RUBCN: variants seen among roughly 807,000 people sequenced by gnomAD.
RUBCN encodes the protein rubicon autophagy regulator.
A neutral mutation model predicts 113.2 loss-of-function variants in RUBCN; 74 were observed. The observed-to-expected ratio is 0.65, with a 90% CI of 0.54 to 0.79. RUBCN has a LOEUF of 0.79. Ranked by LOEUF, RUBCN falls within the 30% of genes least tolerant of loss-of-function variation. RUBCN has a pLI of 0.00. For synonymous variants in RUBCN, 480 were observed against 490.0 expected (o/e 0.98, Z 0.27); for missense variants, 1,109 against 1,251.7 (o/e 0.89, Z 1.72).
rs188273623 is a variant in RUBCN at position 197,716,213 on chromosome 3, C to T, written c.219+1764G>A. On this transcript the variant is annotated intron_variant, in intron 2 of 19. Transcript: ENST00000296343. ...CACGGTCTCAGCTCACTGCAGCCTC[C>T]GCCTCCCAGGTTCAAGTGATTCTCC... Among the ~76,000 whole-genome samples, 973 of 152,292 alleles carry T rather than the reference C, an allele frequency of 6.4e-3. 11 individuals are homozygous for T. Among genetic ancestry groups the T allele is most frequent in the African/African-American group, 0.021 (886 of 41,554 alleles).
In RUBCN at chr3:197,683,255, G is replaced by A. The variant is rs1721459819; in HGVS notation, c.1980+52C>T. Reference sequence around the variant, plus strand: ...GGGACATGTGACGAAGGAAAACAAGGTCACAGAGGCTCACGATGGCCCCTG... The same window carrying A: ...GGGACATGTGACGAAGGAAAACAAGATCACAGAGGCTCACGATGGCCCCTG... On this transcript the variant is annotated intron_variant, in intron 13 of 19. Transcript: ENST00000296343. This position sits in a 1 kb window ranked among gnomAD's most constrained non-coding sequence, Gnocchi z 4.6. The A allele has an allele frequency of 6.2e-7, 1 of 1,612,448 alleles. No homozygotes were observed. The highest frequency in any genetic ancestry group is 8.5e-7 in the Non-Finnish European group (1 of 1,178,462).
intron 1 of RUBCN, chr3:197,749,264 C>T: frequency 9.5e-7 from 1 of 1,054,382 alleles, no homozygotes; most frequent in Non-Finnish European, 1.2e-6. Flanking sequence ...AACAGAGGTA[C>T]TTACCCCTCC....
chr3:197,704,550 A>G lies in RUBCN; in HGVS notation c.455T>C (p.Phe152Ser), dbSNP rs1724063479. The G allele has an allele frequency of 3.1e-6, 5 of 1,614,210 alleles. No homozygotes were observed. Among genetic ancestry groups the G allele is most frequent in the Non-Finnish European group, 4.2e-6 (5 of 1,180,032 alleles). ...AAGTGGCCTCTACCTACCTGTGTAG[A>G]ATTTTCTGATATACTGTCTATCCCC... ...LLGDRQYIRK[F>S]YTDAAFLLSD... The change falls in exon 4 of 20, where the codon TTC becomes TCC. Residue 152 changes from phenylalanine (F) to serine (S), a missense_variant. By Grantham distance (155) the Phe-to-Ser change is radical. This residue lies in a region of RUBCN where 736 missense variants were observed against 779.6 expected (regional missense o/e 0.94). Coordinates refer to ENST00000296343, the MANE Select transcript of RUBCN (RefSeq NM_014687.4).
chr3:197,737,178 G>T (rs181570971), upstream of RUBCN: 698 of 196,308 alleles, frequency 3.6e-3, 6 homozygotes, highest in African/African-American at 0.015. Context: ...TCCGTGCCGG[G>T]GCGTATCCTT....
At chr3:197,714,357 G>A (rs1725284644) in intron 2 of RUBCN, among the ~76,000 whole-genome samples, 1 of 152,102 alleles carries the variant, frequency 6.6e-6, no homozygotes, top group African/African-American at 2.4e-5. Flanking sequence ...TGTTGAGACA[G>A]GGTCTCCCTC....
At position 197,703,551 on chromosome 3, in the gene RUBCN, G is replaced by A. The variant is rs759586402; in HGVS notation, c.567C>T (p.Ser189=). The part of the protein sequence containing the change: ...NPRLLAQIDA[S]MFARKHESPL... ...GATAATTCCTTGTCCCCTGTACCATGGACGCATCGATCTGAGCCAGGAGGC... is the reference window on the plus strand; with the variant it reads ...GATAATTCCTTGTCCCCTGTACCATAGACGCATCGATCTGAGCCAGGAGGC... The change falls in exon 5 of 20, where the codon TCC becomes TCT. Residue 189 remains serine, a synonymous_variant. Transcript: ENST00000296343. 6.2e-7 allele frequency: 1 copy of A among 1,606,148 alleles called. No homozygotes were observed. The highest frequency in any genetic ancestry group is 1.1e-5 in the South Asian group (1 of 90,872).
Position 197,695,867 on chromosome 3 carries a change from T to C in RUBCN, c.1472A>G (p.Lys491Arg), listed in dbSNP as rs751035834. ...QDFGSCADLE[K>R]ENAHFSISES... is the part of the protein sequence containing the mutation. ...TTCATGAGGCCCTCGATTTCCCACCTTTTCCAGGTCGGCACAGCTGCCGAA... is the reference window on the plus strand; with the variant it reads ...TTCATGAGGCCCTCGATTTCCCACCCTTTCCAGGTCGGCACAGCTGCCGAA... The change falls in exon 9 of 20, where the codon AAG becomes AGG. Residue 491 changes from lysine (K) to arginine (R), a missense_variant and splice_region_variant. By Grantham distance (26) the Lys-to-Arg change is conservative. Transcript: ENST00000296343. The C allele has an allele frequency of 6.2e-7, 1 of 1,613,572 alleles. No individual in the cohort carries two copies. The highest frequency in any genetic ancestry group is 8.5e-7 in the Non-Finnish European group (1 of 1,179,580).
Position 197,681,960 on chromosome 3 carries a change from G to T in RUBCN, c.2127-61C>A. On this transcript the variant is annotated intron_variant, in intron 14 of 19. Coordinates refer to ENST00000296343, the MANE Select transcript of RUBCN (RefSeq NM_014687.4). This position sits in a 1 kb window ranked among gnomAD's most constrained non-coding sequence, Gnocchi z 5.5. ...CAGCTGCGTGAGACCTTGGAGGTGT[G>T]AAGGAGTGAGCACACATACATACAG... 7.8e-7 allele frequency: 1 copy of T among 1,279,724 alleles called. No individual in the cohort carries two copies. Among genetic ancestry groups the T allele is most frequent in the Non-Finnish European group, 1.1e-6 (1 of 876,738 alleles). 79.3% of individuals were successfully genotyped at this position (1,279,724 alleles called of 1,614,324 possible).
At chr3:197,709,195 T>C (rs1223216363) in intron 2 of RUBCN, among the ~76,000 whole-genome samples, 2 of 152,238 alleles carry the variant, frequency 1.3e-5, no homozygotes, top group Non-Finnish European at 2.9e-5. Context: ...AATCAGTTAA[T>C]GATCCAGGTC....
intron 13 of RUBCN, 148 bp from the exon 14 acceptor site, chr3:197,682,763 C>T: frequency 9.8e-7 from 1 of 1,017,728 alleles, no homozygotes; most frequent in South Asian, 1.5e-5. Context: ...AAATGCGGGA[C>T]CCTTTTGGCC....
chr3:197,715,497 T>C (rs1343152461), intron 2 of RUBCN, among the ~76,000 whole-genome samples: 1 of 152,096 alleles, frequency 6.6e-6, no homozygotes, highest in Non-Finnish European at 1.5e-5. Context: ...AATGAGTCAT[T>C]GTGTCCTCCT....
rs905616855 is a variant in RUBCN at position 197,675,300 on chromosome 3, T to C, written c.2741-104A>G. 1.3e-5 allele frequency: 20 copies of C among 1,530,228 alleles called. No homozygotes were observed. The highest frequency in any genetic ancestry group is 8.3e-5 in the Admixed American group (5 of 59,924). 94.8% of individuals were successfully genotyped at this position (1,530,228 alleles called of 1,614,324 possible). A position where few individuals can be genotyped will look rare whatever the true frequency, so the allele number is the denominator to read the frequency against. ...CCCTTCTCGCCACCAAGGCGTGGTG[T>C]CCCCTGGGGAGGCCCCGCGAGGTGC... On this transcript the variant is annotated intron_variant, in intron 19 of 19. Coordinates refer to ENST00000296343, the MANE Select transcript of RUBCN (RefSeq NM_014687.4). This position sits in a 1 kb window ranked among gnomAD's most constrained non-coding sequence, Gnocchi z 4.4.
intron 1 of RUBCN, among the ~76,000 whole-genome samples, chr3:197,735,193 T>TAA (rs1480362498): frequency 6.6e-6 from 1 of 152,176 alleles, no homozygotes; most frequent in African/African-American, 2.4e-5. Context: ...GCCCAGGAGT[T>TAA]AGAGACCAGC....
intron 4 of RUBCN, among the ~76,000 whole-genome samples, chr3:197,704,156 C>T (rs1188041528): frequency 2.0e-5 from 3 of 152,044 alleles, no homozygotes; most frequent in African/African-American, 7.2e-5. Flanking sequence ...GGAGGCCCTG[C>T]CGGGCACGGT....
chr3:197,712,894 T>C (rs996159599), intron 2 of RUBCN, among the ~76,000 whole-genome samples: 5 of 151,940 alleles, frequency 3.3e-5, no homozygotes, highest in African/African-American at 1.2e-4. Flanking sequence ...AGTTTCGCTC[T>C]TGTCACCCAG....
intron 5 of RUBCN, among the ~76,000 whole-genome samples, chr3:197,702,566 G>A (rs1162727853): frequency 6.6e-6 from 1 of 152,170 alleles, no homozygotes; most frequent in Non-Finnish European, 1.5e-5. Context: ...GGGAGGCTGA[G>A]ACAGGAGAAT....
intron 2 of RUBCN, among the ~76,000 whole-genome samples, chr3:197,714,300 C>A (rs185020203): frequency 6.6e-6 from 1 of 152,224 alleles, no homozygotes; most frequent in Admixed American, 6.5e-5. Flanking sequence ...AATGTTGCCT[C>A]CTCAGTCCTA....
chr3:197,682,452 C>T lies in RUBCN; in HGVS notation c.2126+18G>A, dbSNP rs756820738. The T allele has an allele frequency of 6.2e-7, 1 of 1,614,106 alleles. No homozygotes were observed. Among genetic ancestry groups the T allele is most frequent in the Admixed American group, 1.7e-5 (1 of 60,016 alleles). On this transcript the variant is annotated intron_variant, in intron 14 of 19. Coordinates refer to ENST00000296343, the MANE Select transcript of RUBCN (RefSeq NM_014687.4). The stretch of plus-strand genomic sequence containing the variant: ...GGACGGATCTGTGCTCCAAAGGGCA[C>T]AGACACTGGCCACTCACGTTGGGGC...
Position 197,725,866 on chromosome 3 carries a change from T to C in RUBCN, c.66-7736A>G, listed in dbSNP as rs571482394. 1.5e-4 allele frequency among the ~76,000 whole-genome samples: 23 copies of C among 152,304 alleles called. No homozygotes were observed. The South Asian group carries it at 3.9e-3, about 26-fold the overall frequency. ...CATGGAGGTGAAAAATTCTCCATCA[T>C]TGGCCCCAATCTAAATACCAACTTT... is the stretch of plus-strand genomic sequence containing the variant. On this transcript the variant is annotated intron_variant, in intron 1 of 19. Coordinates refer to ENST00000296343, the MANE Select transcript of RUBCN (RefSeq NM_014687.4).
Sources: gnomAD v4.1 joint callset for allele counts (sites outside exome capture counted in the v4.1 genomes callset) on GRCh38, gnomAD v4.1.1 for gene constraint, gnomAD v4.1.1 regional missense constraint, Gnocchi (gnomAD v3.1) non-coding constraint, MANE v1.5 for transcripts, NCBI Gene and HGNC (gene_info 2026-07-23, HGNC 2026-07-21) for gene names.